Variants in SPTBN1 observed in about 807,000 individuals in gnomAD.
The protein encoded by SPTBN1 is spectrin beta, non-erythrocytic 1, also known as spectrin beta chain, non-erythrocytic 1.
Under a neutral mutation model 266.4 loss-of-function variants are expected in SPTBN1, and 32 were observed. That is an observed-to-expected ratio of 0.12 (90% confidence interval 0.09 to 0.16). SPTBN1 has a LOEUF of 0.16. SPTBN1 is among the 10% of genes least tolerant of loss of function. The pLI is 1.00. For missense variants in SPTBN1, 2,296 were observed against 3,067.1 expected (o/e 0.75, Z 5.94); for synonymous variants, 1,336 against 1,162.2 (o/e 1.15, Z -3.04).
intron 1 of SPTBN1, among the ~76,000 whole-genome samples, chr2:54,481,649 A>G (rs574247183): frequency 1.3e-5 from 2 of 152,284 alleles, no homozygotes; most frequent in African/African-American, 4.8e-5. Flanking sequence ...AATTGCTGCC[A>G]TTTAAAGAGT....
At chr2:54,590,412 T>C (rs774783103) in intron 2 of SPTBN1, among the ~76,000 whole-genome samples, 2 of 152,230 alleles carry the variant, frequency 1.3e-5, no homozygotes, top group African/African-American at 2.4e-5. Context: ...TGCTGACTCA[T>C]TGAACAAATG....
chr2:54,635,268 G>A (rs1679041929), intron 17 of SPTBN1, among the ~76,000 whole-genome samples: 1 of 152,208 alleles, frequency 6.6e-6, no homozygotes, highest in Non-Finnish European at 1.5e-5. Context: ...AATTTCCTGA[G>A]TTTCACTTCC....
Position 54,649,296 on chromosome 2 carries a change from C to G in SPTBN1, c.5202+106C>G, listed in dbSNP as rs969250379. ...CAGATAAAATGCCCTGGACTCCAAT[C>G]AGAGGTCTTGGGGTTTAGTTTTAAG... On this transcript the variant is annotated intron_variant, in intron 25 of 35. Coordinates refer to ENST00000356805, the MANE Select transcript of SPTBN1 (RefSeq NM_003128.3). This position sits in a 1 kb window ranked among gnomAD's most constrained non-coding sequence, Gnocchi z 6.7. 2.4e-6 allele frequency: 3 copies of G among 1,267,086 alleles called. No homozygotes were observed. Among genetic ancestry groups the G allele is most frequent in the African/African-American group, 3.0e-5 (2 of 66,790 alleles). 78.5% of individuals were successfully genotyped at this position (1,267,086 alleles called of 1,614,324 possible). A position where few individuals can be genotyped will look rare whatever the true frequency, so the allele number is the denominator to read the frequency against.
intron 2 of SPTBN1, among the ~76,000 whole-genome samples, chr2:54,577,631 T>G (rs1674582464): frequency 1.3e-5 from 2 of 152,226 alleles, no homozygotes; most frequent in Admixed American, 1.3e-4. Context: ...ATGCTCCTCA[T>G]AGCGTCCTTG....
chr2:54,468,293 T>C (rs1490682472), intron 1 of SPTBN1, among the ~76,000 whole-genome samples: 1 of 151,010 alleles, frequency 6.6e-6, no homozygotes, highest in African/African-American at 2.4e-5. Context: ...GGTGACAGAG[T>C]GAGACTCAGT....
chr2:54,485,756 T>G (rs1287632684), intron 1 of SPTBN1, among the ~76,000 whole-genome samples: 2 of 142,726 alleles, frequency 1.4e-5, no homozygotes, highest in Admixed American at 6.9e-5. Context: ...GAGCGCCTCT[T>G]CCCGGCCGCC....
At position 54,574,105 on chromosome 2, in the gene SPTBN1, A is replaced by G. The variant is rs1674288991; in HGVS notation, c.149-24987A>G. On this transcript the variant is annotated intron_variant, in intron 2 of 35. Transcript: ENST00000356805. ...TCCCCTCAACTGGTCTAATGAAGGA[A>G]ACAGACACCTTTCCAGTAACAATAG... Among the ~76,000 whole-genome samples the G allele has an allele frequency of 2.0e-5, 3 of 152,124 alleles. No homozygotes were observed. The South Asian group carries it at 6.2e-4, about 32-fold the overall frequency.
chr2:54,514,759 TCTAA>T (rs1404307379), intron 1 of SPTBN1, among the ~76,000 whole-genome samples: 1 of 152,226 alleles, frequency 6.6e-6, no homozygotes, highest in African/African-American at 2.4e-5. Context: ...GTTGCAAAAC[TCTAA>T]CTGAGACAGT....
At chr2:54,508,431 G>C (rs939370750) in intron 1 of SPTBN1, among the ~76,000 whole-genome samples, 1 of 152,216 alleles carries the variant, frequency 6.6e-6, no homozygotes, top group Non-Finnish European at 1.5e-5. Flanking sequence ...TTCTTGAGGA[G>C]TAGTAGAATA....
chr2:54,589,697 T>C (rs974233149), intron 2 of SPTBN1, among the ~76,000 whole-genome samples: 3 of 152,238 alleles, frequency 2.0e-5, no homozygotes, highest in Admixed American at 6.5e-5. Flanking sequence ...AGGGAGGACT[T>C]CAGTCAAAAG....
chr2:54,575,480 G>A (rs554957364), intron 2 of SPTBN1, among the ~76,000 whole-genome samples: 24 of 152,338 alleles, frequency 1.6e-4, no homozygotes, highest in African/African-American at 3.4e-4. Context: ...TGCATATCTC[G>A]AAGGACAAAA....
intron 1 of SPTBN1, among the ~76,000 whole-genome samples, chr2:54,460,958 C>T (rs1293295356): frequency 2.6e-5 from 4 of 152,096 alleles, no homozygotes; most frequent in Admixed American, 6.5e-5. Flanking sequence ...GCCGAGATCG[C>T]GCCACTGCAT....
At position 54,629,567 on chromosome 2, in the gene SPTBN1, C is replaced by T. The variant is rs1318029221; in HGVS notation, c.2433C>T (p.Pro811=). The change falls in exon 14 of 36, where the codon CCC becomes CCT. Residue 811 remains proline, a synonymous_variant. Coordinates refer to ENST00000356805, the MANE Select transcript of SPTBN1 (RefSeq NM_003128.3). The stretch of plus-strand genomic sequence containing the variant: ...TGCACGAACAAGCCAGCGCCCTCCC[C>T]CAGGAGCATGCCGAGTCTCCAGACG... ...DTLHEQASAL[P]QEHAESPDVR... The T allele has an allele frequency of 1.2e-6, 2 of 1,614,106 alleles. No homozygotes were observed. The highest frequency in any genetic ancestry group is 8.5e-7 in the Non-Finnish European group (1 of 1,180,036).
Position 54,649,763 on chromosome 2 carries a change from A to C in SPTBN1, c.5351A>C (p.Asn1784Thr), listed in dbSNP as rs373840795. 2.5e-6 allele frequency: 4 copies of C among 1,614,190 alleles called. No individual in the cohort carries two copies. Among genetic ancestry groups the C allele is most frequent in the South Asian group, 2.2e-5 (2 of 91,082 alleles). Residue 1784 changes from asparagine (N) to threonine (T), a missense_variant, in exon 26 of 36, where the codon AAT becomes ACT. Asn to Thr is a moderately conservative substitution (Grantham distance 65). This residue lies in a region of SPTBN1 where 644 missense variants were observed against 745.3 expected (regional missense o/e 0.86). Coordinates refer to ENST00000356805, the MANE Select transcript of SPTBN1 (RefSeq NM_003128.3). The surrounding 1 kb of genome is among the most constrained non-coding windows in gnomAD (Gnocchi z 6.7). ...ATIAEWKDGL[N>T]EAWADLLELI... ...ATCGCTGAATGGAAGGATGGCCTCA[A>C]TGAAGCCTGGGCCGACCTCCTGGAG...
At chr2:54,593,257 C>T (rs918146305) in intron 2 of SPTBN1, among the ~76,000 whole-genome samples, 13 of 152,202 alleles carry the variant, frequency 8.5e-5, no homozygotes, top group African/African-American at 2.4e-4. Context: ...CCTAGGTTCT[C>T]GGGGCTCCAA....
chr2:54,577,941 C>G (rs936621459), intron 2 of SPTBN1, among the ~76,000 whole-genome samples: 1 of 151,870 alleles, frequency 6.6e-6, no homozygotes, highest in Non-Finnish European at 1.5e-5. Flanking sequence ...GACTCTCACT[C>G]TTCATTGGTG....
intron 1 of SPTBN1, 68 bp from the exon 2 acceptor site, chr2:54,526,304 C>T (rs1360911140): frequency 5.4e-6 from 7 of 1,295,468 alleles, no homozygotes; most frequent in Non-Finnish European, 7.4e-6. Context: ...TCACTCTTAT[C>T]CCAGTTGGTT....
chr2:54,632,025 C>T (rs57086836), intron 16 of SPTBN1, among the ~76,000 whole-genome samples: 3,579 of 149,892 alleles, frequency 0.024, 147 homozygotes, highest in African/African-American at 0.081. Context: ...TGAAGTTAGC[C>T]GTGATCGTGC....
chr2:54,597,325 CA>C (rs1676154540), intron 2 of SPTBN1, among the ~76,000 whole-genome samples: 2 of 152,368 alleles, frequency 1.3e-5, no homozygotes, highest in South Asian at 4.1e-4. Context: ...CCATCCATCA[CA>C]ATGATTACGT....
Sources: allele counts gnomAD v4.1 joint callset (sites outside exome capture counted in the v4.1 genomes callset), GRCh38; gene constraint gnomAD v4.1.1; regional missense constraint gnomAD v4.1.1; non-coding constraint Gnocchi (gnomAD v3.1); transcripts MANE v1.5; gene names NCBI Gene and HGNC (gene_info 2026-07-23, HGNC 2026-07-21).